PCDHGA6: variants seen among roughly 807,000 people sequenced by gnomAD.
PCDHGA6 encodes the protein protocadherin gamma subfamily A, 6.
In PCDHGA6, 41 loss-of-function variants were observed where a neutral mutation model predicts 60.6. That is an observed-to-expected ratio of 0.68 (90% CI 0.53 to 0.88). PCDHGA6 has a LOEUF of 0.88. PCDHGA6 is among the 40% of genes least tolerant of loss of function. The pLI is 0.00. For synonymous variants in PCDHGA6, 594 were observed against 524.4 expected (o/e 1.13, Z -1.81); for missense variants, 1,312 against 1,203.0 (o/e 1.09, Z -1.34).
intron 1 of PCDHGA6, chr5:141,427,831 G>T: frequency 7.1e-6 from 11 of 1,539,366 alleles, no homozygotes; most frequent in Non-Finnish European, 9.8e-6. Context: ...GTCGCGCAGC[G>T]TGCCTTCGAC....
At chr5:141,482,673 G>A (rs1278135239) in intron 1 of PCDHGA6, among the ~76,000 whole-genome samples, 1 of 152,156 alleles carries the variant, frequency 6.6e-6, no homozygotes, top group Non-Finnish European at 1.5e-5. Context: ...TAAAGGTTGA[G>A]TAGTAGCTTG....
chr5:141,403,611 C>T lies in PCDHGA6; in HGVS notation c.2424+27104C>T. ...CTCACGGCCTCGGATGGCGGCGAGCCGCGTCGCTCCAGCACAGTGCGCATC... is the reference window on the plus strand; with the variant it reads ...CTCACGGCCTCGGATGGCGGCGAGCTGCGTCGCTCCAGCACAGTGCGCATC... On this transcript the variant is annotated intron_variant, in intron 1 of 3. Transcript: ENST00000517434. 6.2e-7 allele frequency: 1 copy of T among 1,613,860 alleles called. No homozygotes were observed.
At chr5:141,385,268 C>CTT (rs1561607550) in intron 1 of PCDHGA6, 1 of 1,613,616 alleles carries the variant, frequency 6.2e-7, no homozygotes, top group Non-Finnish European at 8.5e-7. Context: ...AAAAATGATT[C>CTT]TTTGCTAACA....
At chr5:141,409,021 C>T in intron 1 of PCDHGA6, 4 of 1,613,972 alleles carry the variant, frequency 2.5e-6, no homozygotes, top group Non-Finnish European at 3.4e-6. Context: ...ATGAGGGGGT[C>T]AATGCTGAGA....
intron 1 of PCDHGA6, among the ~76,000 whole-genome samples, chr5:141,446,247 A>T (rs969960822): frequency 6.6e-6 from 1 of 152,160 alleles, no homozygotes; most frequent in African/African-American, 2.4e-5. Context: ...GTAGATCTTC[A>T]GTGAAATATT....
At chr5:141,470,302 C>A (rs996558051) in intron 1 of PCDHGA6, among the ~76,000 whole-genome samples, 5 of 152,188 alleles carry the variant, frequency 3.3e-5, no homozygotes, top group African/African-American at 1.2e-4. Context: ...GTTTTTATTC[C>A]ATTTTTCCTC....
chr5:141,506,228 A>T (rs538354130), intron 3 of PCDHGA6, among the ~76,000 whole-genome samples: 1 of 152,266 alleles, frequency 6.6e-6, no homozygotes, highest in East Asian at 1.9e-4. Context: ...AGGCAGGAGG[A>T]TCATGAGGTC....
In PCDHGA6 at chr5:141,486,194, C is replaced by A. The variant is rs1248456800; in HGVS notation, c.2425-8613C>A. The A allele has an allele frequency of 6.2e-7, 1 of 1,614,196 alleles. No individual in the cohort carries two copies. Among genetic ancestry groups the A allele is most frequent in the Non-Finnish European group, 8.5e-7 (1 of 1,180,026 alleles). ...ACATTGCAGCCTTCGAGTGGATCTG[C>A]TGGACGTAAATGACAATGCCCCTTA... On this transcript the variant is annotated intron_variant, in intron 1 of 3. Transcript: ENST00000517434. The surrounding 1 kb of genome is among the most constrained non-coding windows in gnomAD (Gnocchi z 5.0).
In PCDHGA6 at chr5:141,404,391, A is replaced by T. The variant is rs773558298; in HGVS notation, c.2424+27884A>T. On this transcript the variant is annotated intron_variant, in intron 1 of 3. Transcript: ENST00000517434. ...TTCTCCGTGATTGCCTATGACCCTG[A>T]TAGCAATGAGAATTCTAGAGTTATT... 3.7e-6 allele frequency: 6 copies of T among 1,613,806 alleles called. No homozygotes were observed. Among genetic ancestry groups the T allele is most frequent in the Non-Finnish European group, 5.1e-6 (6 of 1,179,894 alleles).
At chr5:141,495,419 C>A (rs1434107823) in intron 2 of PCDHGA6, among the ~76,000 whole-genome samples, 1 of 152,228 alleles carries the variant, frequency 6.6e-6, no homozygotes, top group Non-Finnish European at 1.5e-5. Context: ...CCGGCCCCTC[C>A]TCCCACTGTC....
intron 1 of PCDHGA6, chr5:141,422,819 T>C (rs369004166): frequency 2.5e-6 from 4 of 1,614,068 alleles, no homozygotes; most frequent in Non-Finnish European, 2.5e-6. Flanking sequence ...GACTTAGAAC[T>C]GAGAGTGATA....
intron 1 of PCDHGA6, among the ~76,000 whole-genome samples, chr5:141,471,998 A>T (rs938492822): frequency 5.3e-5 from 8 of 152,276 alleles, no homozygotes; most frequent in South Asian, 2.1e-4. Context: ...AAATCCCTGC[A>T]TCGTATAGGG....
At chr5:141,413,117 C>T (rs902301902) in intron 1 of PCDHGA6, 42 of 1,509,002 alleles carry the variant, frequency 2.8e-5, no homozygotes, top group Non-Finnish European at 3.6e-5. Flanking sequence ...ACAAAGGAAC[C>T]GGTTGAAACA....
intron 1 of PCDHGA6, chr5:141,475,885 A>G (rs1593590954): frequency 1.8e-6 from 1 of 556,524 alleles, no homozygotes. Flanking sequence ...ATTGGCTGGG[A>G]CTCTGTGTGC....
intron 1 of PCDHGA6, chr5:141,415,738 A>G (rs2095905853): frequency 5.6e-6 from 3 of 538,228 alleles, no homozygotes; most frequent in South Asian, 3.9e-5. Context: ...ATGTTTATTA[A>G]GGTTTTTTTT....
At chr5:141,383,933 C>T (rs963043498) in intron 1 of PCDHGA6, 3 of 1,613,844 alleles carry the variant, frequency 1.9e-6, no homozygotes, top group East Asian at 2.2e-5. Context: ...GATAATGCTC[C>T]AGAAGTGACT....
intron 1 of PCDHGA6, among the ~76,000 whole-genome samples, chr5:141,448,117 A>G (rs564444141): frequency 6.6e-6 from 1 of 152,094 alleles, no homozygotes; most frequent in Non-Finnish European, 1.5e-5. Flanking sequence ...AAAGAAAATT[A>G]GCCTCCCCCA....
chr5:141,391,000 T>C (rs2092286539), intron 1 of PCDHGA6: 1 of 152,230 alleles, frequency 6.6e-6, no homozygotes, highest in Admixed American at 6.5e-5. Flanking sequence ...TTCAAGCTCA[T>C]TCTATATCCT....
Position 141,491,188 on chromosome 5 carries a change from G to A in PCDHGA6, c.2425-3619G>A. On this transcript the variant is annotated intron_variant, in intron 1 of 3. Transcript: ENST00000517434. This position sits in a 1 kb window ranked among gnomAD's most constrained non-coding sequence, Gnocchi z 6.9. Reference sequence around the variant, plus strand: ...CCAGCAGGTGGTGGTCCTGGTGAGGGACAATGGTGACCCTTCACTCTCCTC... The same window carrying A: ...CCAGCAGGTGGTGGTCCTGGTGAGGAACAATGGTGACCCTTCACTCTCCTC... The A allele has an allele frequency of 6.2e-7, 1 of 1,614,198 alleles. No individual in the cohort carries two copies. The highest frequency in any genetic ancestry group is 1.1e-5 in the South Asian group (1 of 91,086).
Sources: gnomAD v4.1 joint callset for allele counts (sites outside exome capture counted in the v4.1 genomes callset) on GRCh38, gnomAD v4.1.1 for gene constraint, Gnocchi (gnomAD v3.1) non-coding constraint, MANE v1.5 for transcripts, NCBI Gene and HGNC (gene_info 2026-07-23, HGNC 2026-07-21) for gene names.